NHSL1: variants seen among roughly 807,000 people sequenced by gnomAD.
The protein encoded by NHSL1 is NHS-like protein 1.
Under a neutral mutation model 95.0 loss-of-function variants are expected in NHSL1, and 48 were observed. The ratio of observed to expected loss-of-function variants is 0.51; its 90% CI spans 0.40 to 0.64. NHSL1 has a LOEUF of 0.64. Ranked by LOEUF, NHSL1 falls within the 30% of genes least tolerant of loss-of-function variation. The pLI, the probability that NHSL1 is intolerant of heterozygous loss-of-function variation, is 0.00. For synonymous variants in NHSL1, 783 were observed against 833.9 expected, an observed-to-expected ratio of 0.94 and a Z score of 1.05; for missense variants, 1,971 against 2,077.7, an observed-to-expected ratio of 0.95 and a Z score of 1.00.
intron 1 of NHSL1, among the ~76,000 whole-genome samples, chr6:138,510,246 T>C (rs1207913829): frequency 1.3e-5 from 2 of 152,234 alleles, no homozygotes; most frequent in East Asian, 1.9e-4. Context: ...ATGGTTAAGA[T>C]GAATGCTACA....
intron 1 of NHSL1, among the ~76,000 whole-genome samples, chr6:138,657,528 T>A (rs1387984170): frequency 6.6e-6 from 1 of 151,566 alleles, no homozygotes; most frequent in Non-Finnish European, 1.5e-5. Context: ...GAAAAAAGAG[T>A]CTAGGCTGGG....
At chr6:138,666,376 G>A (rs1003561411) in intron 1 of NHSL1, among the ~76,000 whole-genome samples, 1 of 152,114 alleles carries the variant, frequency 6.6e-6, no homozygotes, top group African/African-American at 2.4e-5. Flanking sequence ...CAGATCATGA[G>A]GTCAAGAGAT....
chr6:138,637,949 T>A (rs1784908627), intron 1 of NHSL1, among the ~76,000 whole-genome samples: 1 of 152,200 alleles, frequency 6.6e-6, no homozygotes, highest in South Asian at 2.1e-4. Context: ...CTGTCCATAG[T>A]AGCCAAGATT....
At chr6:138,478,408 TC>T (rs1779222201) in intron 2 of NHSL1, among the ~76,000 whole-genome samples, 2 of 152,194 alleles carry the variant, frequency 1.3e-5, no homozygotes, top group African/African-American at 4.8e-5. Flanking sequence ...TTATCACATT[TC>T]TGAAATCTAG....
At chr6:138,463,603 C>T (rs1778144235) in intron 3 of NHSL1, among the ~76,000 whole-genome samples, 1 of 151,130 alleles carries the variant, frequency 6.6e-6, no homozygotes, top group Non-Finnish European at 1.5e-5. Context: ...TATACATGTG[C>T]CATGGTGGTT....
chr6:138,628,784 G>A (rs534416512), intron 1 of NHSL1, among the ~76,000 whole-genome samples: 13 of 152,186 alleles, frequency 8.5e-5, no homozygotes, highest in East Asian at 1.9e-4. Flanking sequence ...TTTCTTTTCC[G>A]CAGTAACCAC....
chr6:138,493,020 G>A (rs1308161524), intron 2 of NHSL1, among the ~76,000 whole-genome samples: 1 of 152,060 alleles, frequency 6.6e-6, no homozygotes, highest in Non-Finnish European at 1.5e-5. Context: ...TGATAATGAG[G>A]TAATAAATAC....
chr6:138,635,262 G>T lies in NHSL1; in HGVS notation c.96+57214C>A, dbSNP rs558332871. On this transcript the variant is annotated intron_variant, in intron 1 of 3. Coordinates refer to the NHSL1 transcript ENST00000491526. ...CATGAAAACATGAAACAAAACGTTGGTTTTTTGGAAAAGTGAAACAAAATT... is the reference window on the plus strand; with the variant it reads ...CATGAAAACATGAAACAAAACGTTGTTTTTTTGGAAAAGTGAAACAAAATT... Among the ~76,000 whole-genome samples, 7 of 152,102 alleles carry T rather than the reference G, an allele frequency of 4.6e-5. No individual in the cohort carries two copies. The South Asian group carries it at 1.5e-3, about 32-fold the overall frequency.
upstream of NHSL1, among the ~76,000 whole-genome samples, chr6:138,546,768 A>G (rs1198930911): frequency 1.3e-5 from 2 of 152,222 alleles, no homozygotes; most frequent in East Asian, 3.8e-4. Context: ...GGCTGTGATC[A>G]GATCAGTACA....
chr6:138,489,516 C>T (rs1779904993), intron 2 of NHSL1, among the ~76,000 whole-genome samples: 1 of 151,978 alleles, frequency 6.6e-6, no homozygotes, highest in African/African-American at 2.4e-5. Context: ...CCTGTAATGC[C>T]AGCACTTTGG....
At chr6:138,568,567 C>T (rs1035506638) in intron 1 of NHSL1, among the ~76,000 whole-genome samples, 1 of 152,136 alleles carries the variant, frequency 6.6e-6, no homozygotes, top group Non-Finnish European at 1.5e-5. Context: ...ATTGCTGTTA[C>T]CCAGTTCATT....
chr6:138,566,501 A>G (rs1252980456), intron 1 of NHSL1, among the ~76,000 whole-genome samples: 1 of 152,104 alleles, frequency 6.6e-6, no homozygotes, highest in Non-Finnish European at 1.5e-5. Context: ...ATTTTAATGG[A>G]AAAGAACATA....
At chr6:138,494,278 C>T (rs1258298553) in intron 2 of NHSL1, among the ~76,000 whole-genome samples, 1 of 152,122 alleles carries the variant, frequency 6.6e-6, no homozygotes, top group Non-Finnish European at 1.5e-5. Flanking sequence ...TGCACTTCTG[C>T]CAGAATAACA....
chr6:138,502,054 T>A (rs1452594035), upstream of NHSL1, among the ~76,000 whole-genome samples: 1 of 152,174 alleles, frequency 6.6e-6, no homozygotes, highest in Admixed American at 6.6e-5. Flanking sequence ...TGTACTTGGT[T>A]ACACACGAGT....
intron 3 of NHSL1, among the ~76,000 whole-genome samples, chr6:138,469,067 T>TA (rs1390567952): frequency 6.6e-6 from 1 of 152,182 alleles, no homozygotes; most frequent in African/African-American, 2.4e-5. Flanking sequence ...TTCTGGGTCC[T>TA]AAATGACCAC....
At chr6:138,558,526 C>G (rs1783287724) in intron 1 of NHSL1, among the ~76,000 whole-genome samples, 2 of 151,482 alleles carry the variant, frequency 1.3e-5, no homozygotes, top group South Asian at 4.2e-4. Context: ...TGGGCTCAAG[C>G]AATTCTCCTC....
chr6:138,435,745 T>C (rs375536522), intron 5 of NHSL1, among the ~76,000 whole-genome samples: 7 of 152,100 alleles, frequency 4.6e-5, no homozygotes, highest in Admixed American at 2.0e-4. Context: ...TTTGTTTTTT[T>C]TTTTACAAGT....
intron 1 of NHSL1, among the ~76,000 whole-genome samples, chr6:138,629,377 C>G (rs759279552): frequency 1.4e-5 from 2 of 144,300 alleles, no homozygotes; most frequent in African/African-American, 2.6e-5. Context: ...GTATTTCTTT[C>G]TTTCTTTCTT....
intron 1 of NHSL1, among the ~76,000 whole-genome samples, chr6:138,516,646 T>C (rs949300659): frequency 6.6e-6 from 1 of 152,194 alleles, no homozygotes; most frequent in African/African-American, 2.4e-5. Context: ...CGTGTTTTTG[T>C]TTGTTTGAGA....
Sources: gnomAD v4.1 joint callset for allele counts (sites outside exome capture counted in the v4.1 genomes callset) on GRCh38, gnomAD v4.1.1 for gene constraint, MANE v1.5 for transcripts, NCBI Gene and HGNC (gene_info 2026-07-23, HGNC 2026-07-21) for gene names.